ZSCAN25: variants seen among roughly 807,000 people sequenced by gnomAD.
ZSCAN25 encodes zinc finger and SCAN domain containing 25.
ZSCAN25 carries 27 observed loss-of-function variants against 38.7 expected under a neutral mutation model. That is an observed-to-expected ratio of 0.70 (90% CI 0.51 to 0.96). The LOEUF (loss-of-function observed/expected upper bound fraction) is 0.96, where lower values mean the gene tolerates loss of function less well. ZSCAN25 is among the 40% of genes least tolerant of loss of function. The pLI is 0.00. For synonymous variants in ZSCAN25, 273 were observed against 277.7 expected, an observed-to-expected ratio of 0.98 and a Z score of 0.17; for missense variants, 637 against 705.9, an observed-to-expected ratio of 0.90 and a Z score of 1.11.
the ZSCAN25 span, chr7:99,648,040 G>A: frequency 1.0e-6 from 1 of 985,360 alleles, no homozygotes; most frequent in Non-Finnish European, 1.2e-6. Context: ...GCTAACTAGA[G>A]GTGGGTAGAG....
chr7:99,664,802 CA>C, the ZSCAN25 span, among the ~76,000 whole-genome samples: 1 of 151,816 alleles, frequency 6.6e-6, no homozygotes, highest in Non-Finnish European at 1.5e-5. Flanking sequence ...CTAAAGCCAG[CA>C]AAAGAAAGAA....
At chr7:99,643,436 T>C in the ZSCAN25 span, among the ~76,000 whole-genome samples, 128 of 152,294 alleles carry the variant, frequency 8.4e-4, 2 homozygotes, top group East Asian at 0.024. Flanking sequence ...CCCCTTTTTT[T>C]TTCATGTTCA....
At chr7:99,676,502 G>A in the ZSCAN25 span, 1 of 1,388,190 alleles carries the variant, frequency 7.2e-7, no homozygotes. Flanking sequence ...GTTCAGGCAG[G>A]AATTCTTCCA....
chr7:99,698,817 A>G, the ZSCAN25 span, among the ~76,000 whole-genome samples: 1 of 152,190 alleles, frequency 6.6e-6, no homozygotes, highest in African/African-American at 2.4e-5. Context: ...TTTAAAAATG[A>G]ATGAATTTAA....
chr7:99,632,398 A>C lies in ZSCAN25; in HGVS notation c.*2378A>C, dbSNP rs897254153. 2.2e-6 allele frequency: 1 copy of C among 444,670 alleles called. No individual in the cohort carries two copies. Among genetic ancestry groups the C allele is most frequent in the African/African-American group, 2.1e-5 (1 of 46,646 alleles). The allele number at this position is 444,670 out of a possible 1,614,324, so 27.5% of individuals were successfully genotyped here. A position where few individuals can be genotyped will look rare whatever the true frequency, so the allele number is the denominator to read the frequency against. On this transcript the variant is annotated 3_prime_UTR_variant, in exon 8 of 8. Transcript: ENST00000394152. The stretch of plus-strand genomic sequence containing the variant: ...TCATTTGACTTTATTATAAACTCAT[A>C]ATCAATCTTGTTTCATCTCTGTCCA...
the ZSCAN25 span, among the ~76,000 whole-genome samples, chr7:99,701,627 G>T: frequency 1.3e-3 from 203 of 152,172 alleles, no homozygotes; most frequent in African/African-American, 4.8e-3. Context: ...CCTGTCTTTT[G>T]GATTAAAACC....
chr7:99,663,184 C>T, the ZSCAN25 span: 2 of 1,127,668 alleles, frequency 1.8e-6, no homozygotes, highest in East Asian at 6.3e-5. Flanking sequence ...TTGCCGGTTC[C>T]ATCTCTGGTC....
chr7:99,705,182 G>A, the ZSCAN25 span: 5 of 263,554 alleles, frequency 1.9e-5, no homozygotes, highest in Non-Finnish European at 3.7e-5. Context: ...AAATTATTGA[G>A]AAATGTTAAT....
At chr7:99,644,492 G>T in the ZSCAN25 span, among the ~76,000 whole-genome samples, 2 of 152,114 alleles carry the variant, frequency 1.3e-5, no homozygotes, top group Non-Finnish European at 1.5e-5. Flanking sequence ...GCATGAGGGG[G>T]ACTAAAAGCA....
chr7:99,710,746 CTG>C, the ZSCAN25 span: 8 of 1,613,836 alleles, frequency 5.0e-6, no homozygotes, highest in East Asian at 1.6e-4. Context: ...TTGGGTAAAA[CTG>C]TATCAATTTC....
the ZSCAN25 span, among the ~76,000 whole-genome samples, chr7:99,737,710 T>C: frequency 2.6e-5 from 4 of 152,370 alleles, no homozygotes; most frequent in East Asian, 5.8e-4. Context: ...GATGAAGATT[T>C]ACCTGCCCTA....
the ZSCAN25 span, among the ~76,000 whole-genome samples, chr7:99,696,637 A>G: frequency 1.2e-4 from 19 of 152,150 alleles, no homozygotes; most frequent in African/African-American, 4.1e-4. Context: ...TAAAAAACCA[A>G]TTTCCAGGAC....
chr7:99,618,140 C>T (rs1806627466), intron 1 of ZSCAN25: 1 of 152,254 alleles, frequency 6.6e-6, no homozygotes, highest in Non-Finnish European at 1.5e-5. Flanking sequence ...AGCAGGATCT[C>T]CTTCCCCTGG....
chr7:99,621,232 A>G, intron 4 of ZSCAN25, 141 bp from the exon 5 acceptor site: 1 of 631,014 alleles, frequency 1.6e-6, no homozygotes, highest in Non-Finnish European at 2.3e-6. Flanking sequence ...GTCCTGGGGA[A>G]GAGCTCAGCT....
At chr7:99,681,271 G>A in the ZSCAN25 span, among the ~76,000 whole-genome samples, 1 of 152,222 alleles carries the variant, frequency 6.6e-6, no homozygotes, top group African/African-American at 2.4e-5. Context: ...GAATATTGGA[G>A]TGATGTTATC....
At chr7:99,701,064 T>C in the ZSCAN25 span, among the ~76,000 whole-genome samples, 1 of 152,216 alleles carries the variant, frequency 6.6e-6, no homozygotes, top group Non-Finnish European at 1.5e-5. Flanking sequence ...CTCTCACCTA[T>C]TCATTCCTGT....
At chr7:99,686,419 G>C in the ZSCAN25 span, among the ~76,000 whole-genome samples, 1 of 152,216 alleles carries the variant, frequency 6.6e-6, no homozygotes, top group Non-Finnish European at 1.5e-5. Flanking sequence ...TAGCACAGCA[G>C]TCTGAGATCA....
Position 99,629,911 on chromosome 7 carries a change from C to T in ZSCAN25, c.1526C>T (p.Thr509Ile). Residue 509 changes from threonine to isoleucine, a missense_variant, in exon 8 of 8, where the codon ACA (threonine) becomes ATA (isoleucine). Physicochemically the swap from Thr to Ile is moderately conservative, Grantham distance 89. Coordinates refer to ENST00000394152, the MANE Select transcript of ZSCAN25 (RefSeq NM_145115.3). This position sits in a 1 kb window ranked among gnomAD's most constrained non-coding sequence, Gnocchi z 5.6. Reference protein sequence around the residue: ...ERLVRHQRIHTGEKPYHCPAC... With the variant: ...ERLVRHQRIHIGEKPYHCPAC... ...CTGGTCCGACACCAGAGAATCCATA[C>T]AGGGGAGAAGCCCTACCACTGTCCT... 6.2e-7 allele frequency: 1 copy of T among 1,614,204 alleles called. No individual in the cohort carries two copies. The highest frequency in any genetic ancestry group is 8.5e-7 in the Non-Finnish European group (1 of 1,180,030).
At chr7:99,647,649 A>G in the ZSCAN25 span, 2 of 985,362 alleles carry the variant, frequency 2.0e-6, no homozygotes, top group Admixed American at 1.2e-4. Flanking sequence ...AGAAGGCAGA[A>G]TGAAACTATG....
Sources: allele counts gnomAD v4.1 joint callset (sites outside exome capture counted in the v4.1 genomes callset), GRCh38; gene constraint gnomAD v4.1.1; non-coding constraint Gnocchi (gnomAD v3.1); transcripts MANE v1.5; gene names NCBI Gene and HGNC (gene_info 2026-07-23, HGNC 2026-07-21).